Variants in INHBA observed in about 807,000 individuals in gnomAD.
The protein encoded by INHBA is inhibin beta A chain.
A neutral mutation model predicts 29.0 loss-of-function variants in INHBA; 1 was observed. The observed-to-expected ratio is 0.03, with a 90% CI of 0.01 to 0.16. The LOEUF (loss-of-function observed/expected upper bound fraction) is 0.16. Among genes scored for constraint, INHBA ranks in the 10% least tolerant of loss-of-function variants. The probability of loss-of-function intolerance (pLI) is 1.00; values close to 1 mark genes in which losing one functional copy is unlikely to be tolerated. For synonymous variants in INHBA, 242 were observed against 216.8 expected (o/e 1.12, Z -1.02); for missense variants, 376 against 545.4 (o/e 0.69, Z 3.09).
chr7:41,700,072 C>A lies in INHBA; in HGVS notation c.303G>T (p.Val101=), dbSNP rs1239232696. 9 of 1,613,902 alleles carry A rather than the reference C, an allele frequency of 5.6e-6. No homozygotes were observed. Among genetic ancestry groups the A allele is most frequent in the Non-Finnish European group, 6.8e-6 (8 of 1,179,972 alleles). The part of the protein sequence containing the change: ...HVGKVGENGY[V]EIEDDIGRRA... The stretch of plus-strand genomic sequence containing the variant: ...TCCTTCCAATGTCATCCTCTATCTC[C>A]ACATACCCGTTCTCCCCGACTTTGC... The change falls in exon 2 of 3, where the codon GTG becomes GTT. Residue 101 remains valine (V), a synonymous_variant. Transcript: ENST00000242208.
intron 1 of INHBA, among the ~76,000 whole-genome samples, chr7:41,701,151 A>C (rs574000819): frequency 3.2e-4 from 49 of 152,114 alleles, no homozygotes; most frequent in Non-Finnish European, 5.9e-4. Flanking sequence ...AGGGGAGAAA[A>C]GAAACCCCAA....
Position 41,687,019 on chromosome 7 carries a change from C to G in INHBA, c.*2631G>C, listed in dbSNP as rs1333116018. On this transcript the variant is annotated 3_prime_UTR_variant, in exon 3 of 3. Transcript: ENST00000242208. Reference sequence around the variant, plus strand: ...ACTCTTGCCTTAAAACTTTTCTCACCACACCCACCTTCCCACATGCATGAT... The same window carrying G: ...ACTCTTGCCTTAAAACTTTTCTCACGACACCCACCTTCCCACATGCATGAT... The G allele has an allele frequency of 6.6e-6, 1 of 152,140 alleles. No homozygotes were observed. The highest frequency in any genetic ancestry group is 1.5e-5 in the Non-Finnish European group (1 of 68,014). 9.4% of individuals were successfully genotyped at this position (152,140 alleles called of 1,614,324 possible).
Position 41,689,282 on chromosome 7 carries a change from T to C in INHBA, c.*368A>G, listed in dbSNP as rs1026467637. 5 of 260,012 alleles carry C rather than the reference T, an allele frequency of 1.9e-5. No individual in the cohort carries two copies. The highest frequency in any genetic ancestry group is 1.0e-4 in the Admixed American group (2 of 19,340). 16.1% of individuals were successfully genotyped at this position (260,012 alleles called of 1,614,324 possible). ...TGTTCTAGTCCACACTACTGCAGAC[T>C]AGATTGGTTGATTCAAGGCTCACAA... On this transcript the variant is annotated 3_prime_UTR_variant, in exon 3 of 3. Transcript: ENST00000242208.
chr7:41,703,051 T>C lies in INHBA; in HGVS notation c.-190A>G, dbSNP rs1410941431. 6.6e-6 allele frequency: 1 copy of C among 152,246 alleles called. No homozygotes were observed. The highest frequency in any genetic ancestry group is 1.5e-5 in the Non-Finnish European group (1 of 68,058). The allele number at this position is 152,246 out of a possible 1,614,324, so 9.4% of individuals were successfully genotyped here. ...ACCAGCCGGCTCTTGTATCATGTGGTAAGAGCTGTCTGAGCTCCTCTTCAT... is the reference window on the plus strand; with the variant it reads ...ACCAGCCGGCTCTTGTATCATGTGGCAAGAGCTGTCTGAGCTCCTCTTCAT... On this transcript the variant is annotated 5_prime_UTR_variant, in exon 1 of 3. Transcript: ENST00000242208.
chr7:41,700,973 A>T lies in INHBA; in HGVS notation c.-143-456T>A, dbSNP rs914498863. Among the ~76,000 whole-genome samples the T allele has an allele frequency of 3.3e-5, 5 of 152,062 alleles. No individual in the cohort carries two copies. The East Asian group carries it at 9.7e-4, about 29-fold the overall frequency. ...GGAGGGAGGGACAGCCCGTTTTCTGACAGGCTGCTCTCCTTCTGCTCTTAG... is the reference window on the plus strand; with the variant it reads ...GGAGGGAGGGACAGCCCGTTTTCTGTCAGGCTGCTCTCCTTCTGCTCTTAG... On this transcript the variant is annotated intron_variant, in intron 1 of 2. Coordinates refer to ENST00000242208, the MANE Select transcript of INHBA (RefSeq NM_002192.4).
At chr7:41,700,790 G>A (rs1382148982) in intron 1 of INHBA, among the ~76,000 whole-genome samples, 2 of 136,164 alleles carry the variant, frequency 1.5e-5, no homozygotes, top group East Asian at 4.9e-4. Context: ...AGAAGGGGGA[G>A]AGAGAGGGAG....
At chr7:41,704,107 T>C (rs940907055), upstream of INHBA, among the ~76,000 whole-genome samples, 2 of 152,230 alleles carry the variant, frequency 1.3e-5, no homozygotes, top group African/African-American at 4.8e-5. Flanking sequence ...GAGAGCCATA[T>C]GACCAGATAT....
chr7:41,690,342 A>G lies in INHBA; in HGVS notation c.589T>C (p.Leu197=). The part of the protein sequence containing the change: ...DTGEEAEEVG[L]KGERSELLLS... ...AACAGTTCACTCCTCTCCCCCTTTA[A>G]GCCCACTTCCTCGGCCTCTTCCCCT... The change falls in exon 3 of 3, where the codon TTA becomes CTA. Residue 197 remains leucine, a synonymous_variant. Coordinates refer to ENST00000242208, the MANE Select transcript of INHBA (RefSeq NM_002192.4). 1 of 1,613,970 alleles carries G rather than the reference A, an allele frequency of 6.2e-7. No individual in the cohort carries two copies. The highest frequency in any genetic ancestry group is 8.5e-7 in the Non-Finnish European group (1 of 1,179,992).
intron 2 of INHBA, among the ~76,000 whole-genome samples, chr7:41,693,581 A>G (rs1458856881): frequency 6.6e-6 from 1 of 152,100 alleles, no homozygotes; most frequent in Admixed American, 6.5e-5. Context: ...CCCCTTCTTC[A>G]CAGGCAGCTG....
chr7:41,697,832 C>T (rs114218367), intron 2 of INHBA, among the ~76,000 whole-genome samples: 3 of 152,242 alleles, frequency 2.0e-5, no homozygotes, highest in East Asian at 1.9e-4. Flanking sequence ...AAAATGCTCA[C>T]GTGGTTTTCT....
rs1794406207 is a variant in INHBA at position 41,687,051 on chromosome 7, G to A, written c.*2599C>T. ...ACCTTCCCACATGCATGATATCCAA[G>A]GTCGACAGACCTGGATTAGAATCCA... On this transcript the variant is annotated 3_prime_UTR_variant, in exon 3 of 3. Coordinates refer to ENST00000242208, the MANE Select transcript of INHBA (RefSeq NM_002192.4). 1 of 152,182 alleles carries A rather than the reference G, an allele frequency of 6.6e-6. No homozygotes were observed. Among genetic ancestry groups the A allele is most frequent in the African/African-American group, 2.4e-5 (1 of 41,446 alleles). The allele number at this position is 152,182 out of a possible 1,614,324, so 9.4% of individuals were successfully genotyped here. A position where few individuals can be genotyped will look rare whatever the true frequency, so the allele number is the denominator to read the frequency against.
chr7:41,688,983 A>G lies in INHBA; in HGVS notation c.*667T>C, dbSNP rs1364956584. ...TTCATTCTTTCCATACTTGTTCTCA[A>G]TTTTTTAATGTTGTTTGTTTTGTTT... On this transcript the variant is annotated 3_prime_UTR_variant, in exon 3 of 3. Transcript: ENST00000242208. The G allele has an allele frequency of 4.3e-6, 1 of 232,428 alleles. No individual in the cohort carries two copies. The highest frequency in any genetic ancestry group is 5.6e-5 in the Admixed American group (1 of 17,714). 14.4% of individuals were successfully genotyped at this position (232,428 alleles called of 1,614,324 possible). A position where few individuals can be genotyped will look rare whatever the true frequency, so the allele number is the denominator to read the frequency against.
rs989242448 is a variant in INHBA at position 41,697,950 on chromosome 7, A to G, written c.388+2037T>C. On this transcript the variant is annotated intron_variant, in intron 2 of 2. Coordinates refer to ENST00000242208, the MANE Select transcript of INHBA (RefSeq NM_002192.4). ...CCTCAGAGAAAAATAAGCAATTGTA[A>G]TAAGTGTTTTCTAAGAATCCAAAGT... Among the ~76,000 whole-genome samples the G allele has an allele frequency of 5.3e-5, 8 of 152,340 alleles. No homozygotes were observed. In the East Asian group the frequency reaches 1.5e-3, roughly 29 times the overall value.
chr7:41,685,301 T>G lies in INHBA; in HGVS notation c.*4349A>C, dbSNP rs1460767286. On this transcript the variant is annotated 3_prime_UTR_variant, in exon 3 of 3. Transcript: ENST00000242208. ...TGAAAACATATCAAACTGTTATCTC[T>G]TTAAACATATTGTAAATAAAAAAAT... The G allele has an allele frequency of 6.6e-6, 1 of 152,126 alleles. No homozygotes were observed. Among genetic ancestry groups the G allele is most frequent in the Non-Finnish European group, 1.5e-5 (1 of 67,982 alleles). The allele number at this position is 152,126 out of a possible 1,614,324, so 9.4% of individuals were successfully genotyped here. A position where few individuals can be genotyped will look rare whatever the true frequency, so the allele number is the denominator to read the frequency against.
At chr7:41,701,454 G>A (rs981949355) in intron 1 of INHBA, among the ~76,000 whole-genome samples, 2 of 152,212 alleles carry the variant, frequency 1.3e-5, no homozygotes, top group African/African-American at 4.8e-5. Context: ...TGAGGAGAGC[G>A]CAATGGAACT....
At chr7:41,698,727 T>A (rs1794705383) in intron 2 of INHBA, among the ~76,000 whole-genome samples, 1 of 152,206 alleles carries the variant, frequency 6.6e-6, no homozygotes, top group Non-Finnish European at 1.5e-5. Context: ...CAGCAGGCTA[T>A]CTGCACCCCC....
At chr7:41,699,814 C>A (rs976320103) in intron 2 of INHBA, among the ~76,000 whole-genome samples, 173 bp downstream of exon 2, 4 of 152,120 alleles carry the variant, frequency 2.6e-5, no homozygotes, top group Admixed American at 6.5e-5. Flanking sequence ...TCCTCTCCCC[C>A]TCCCCTGCCT....
At chr7:41,692,195 C>G (rs540728129) in intron 2 of INHBA, 9 of 152,174 alleles carry the variant, frequency 5.9e-5, no homozygotes, top group Non-Finnish European at 1.3e-4. Flanking sequence ...AGAAACATAT[C>G]CTCTTTTCCA....
Position 41,686,420 on chromosome 7 carries a change from A to T in INHBA, c.*3230T>A, listed in dbSNP as rs1451737084. ...AGCCACTGAGTTTCAAGAAAAAAAC[A>T]TACTACTAAGAATCCCATATGTTAT... is the stretch of plus-strand genomic sequence containing the variant. On this transcript the variant is annotated 3_prime_UTR_variant, in exon 3 of 3. Coordinates refer to ENST00000242208, the MANE Select transcript of INHBA (RefSeq NM_002192.4). 2 of 152,146 alleles carry T rather than the reference A, an allele frequency of 1.3e-5. No individual in the cohort carries two copies. The highest frequency in any genetic ancestry group is 4.8e-5 in the African/African-American group (2 of 41,430). The allele number at this position is 152,146 out of a possible 1,614,324, so 9.4% of individuals were successfully genotyped here.
Sources: allele counts gnomAD v4.1 joint callset (sites outside exome capture counted in the v4.1 genomes callset), GRCh38; gene constraint gnomAD v4.1.1; transcripts MANE v1.5; gene names NCBI Gene and HGNC (gene_info 2026-07-23, HGNC 2026-07-21).